The following CNBD1 variants were observed in gnomAD, a reference collection of about 807,000 sequenced individuals.
CNBD1 encodes cyclic nucleotide binding domain containing 1, also known as cyclic nucleotide-binding domain-containing protein 1.
CNBD1 carries 71 observed loss-of-function variants against 54.4 expected under a neutral mutation model. That is an observed-to-expected ratio of 1.30 (90% CI 1.08 to 1.59). The LOEUF is 1.59. Ranked by LOEUF, CNBD1 falls within the 40% of genes most tolerant of loss-of-function variation. The probability of loss-of-function intolerance (pLI) is 0.00; values close to 1 mark genes in which losing one functional copy is unlikely to be tolerated. For missense variants in CNBD1, 659 were observed against 518.0 expected (o/e 1.27, Z -2.64); for synonymous variants, 182 against 170.7 (o/e 1.07, Z -0.51).
At chr8:86,958,234 G>A (rs894065101) in intron 4 of CNBD1, among the ~76,000 whole-genome samples, 1 of 152,176 alleles carries the variant, frequency 6.6e-6, no homozygotes, top group Non-Finnish European at 1.5e-5. Context: ...TTGCTGAGGA[G>A]TGCTTTACTT....
chr8:87,425,268 G>T (rs1808024709), intron 2 of CNBD1, among the ~76,000 whole-genome samples: 1 of 152,184 alleles, frequency 6.6e-6, no homozygotes. Flanking sequence ...TGGTTTGAAT[G>T]TCCTCCCGTA....
chr8:87,119,692 A>G (rs1262844045), intron 4 of CNBD1, among the ~76,000 whole-genome samples: 2 of 152,046 alleles, frequency 1.3e-5, no homozygotes, highest in Non-Finnish European at 2.9e-5. Flanking sequence ...GTCCTTTTCC[A>G]TTAAATATGA....
chr8:87,257,052 A>G (rs1227134196), intron 6 of CNBD1, among the ~76,000 whole-genome samples: 1 of 152,074 alleles, frequency 6.6e-6, no homozygotes, highest in East Asian at 1.9e-4. Context: ...GAAAGCTTTT[A>G]TACAATCAGA....
At chr8:87,267,929 C>G (rs570134131) in intron 6 of CNBD1, among the ~76,000 whole-genome samples, 2 of 152,172 alleles carry the variant, frequency 1.3e-5, no homozygotes, top group African/African-American at 4.8e-5. Context: ...TTAATTTAGT[C>G]TGCTAGTATT....
intron 8 of CNBD1, among the ~76,000 whole-genome samples, chr8:87,335,141 GAGTA>G (rs1471414319): frequency 2.0e-5 from 3 of 152,300 alleles, no homozygotes; most frequent in East Asian, 3.9e-4. Context: ...GTCGATTTTA[GAGTA>G]AGTGTCATGT....
chr8:87,311,876 T>C (rs1023571634), intron 8 of CNBD1, among the ~76,000 whole-genome samples: 1 of 152,062 alleles, frequency 6.6e-6, no homozygotes, highest in Non-Finnish European at 1.5e-5. Flanking sequence ...TTCTCACTTG[T>C]AAGTGGAAGC....
At chr8:87,296,858 A>G (rs1403970177) in intron 8 of CNBD1, among the ~76,000 whole-genome samples, 2 of 152,102 alleles carry the variant, frequency 1.3e-5, no homozygotes, top group Admixed American at 1.3e-4. Context: ...TATCATTTTA[A>G]ATTTTCTAGC....
chr8:87,250,368 T>A (rs917206066), intron 6 of CNBD1, among the ~76,000 whole-genome samples: 8 of 152,178 alleles, frequency 5.3e-5, no homozygotes, highest in African/African-American at 1.9e-4. Flanking sequence ...TTGTACACTG[T>A]TGGTTGGAAT....
chr8:86,887,754 G>A, intron 2 of CNBD1, 143 bp downstream of exon 2: 1 of 576,622 alleles, frequency 1.7e-6, no homozygotes, highest in Non-Finnish European at 3.0e-6. Context: ...GAAAACCTGG[G>A]GGTTATTTCT....
At chr8:87,296,941 C>T (rs1041592900) in intron 8 of CNBD1, among the ~76,000 whole-genome samples, 4 of 151,652 alleles carry the variant, frequency 2.6e-5, no homozygotes, top group East Asian at 1.9e-4. Flanking sequence ...TTTGGGAGGC[C>T]GAGGCGGGCG....
chr8:86,937,206 T>G (rs1586147401), intron 3 of CNBD1, among the ~76,000 whole-genome samples: 2 of 152,074 alleles, frequency 1.3e-5, no homozygotes, highest in East Asian at 3.9e-4. Context: ...GAACTGTCCT[T>G]TATAAAACCA....
intron 3 of CNBD1, among the ~76,000 whole-genome samples, chr8:86,927,967 C>T (rs956789511): frequency 3.3e-5 from 5 of 151,958 alleles, no homozygotes; most frequent in Non-Finnish European, 7.4e-5. Context: ...AAGTTTAACT[C>T]GGGTGTGGTG....
At chr8:86,995,269 A>C (rs1274528573) in intron 4 of CNBD1, among the ~76,000 whole-genome samples, 1 of 152,230 alleles carries the variant, frequency 6.6e-6, no homozygotes, top group Non-Finnish European at 1.5e-5. Context: ...GGAGGCAGAA[A>C]CCATGAACCA....
intron 6 of CNBD1, among the ~76,000 whole-genome samples, chr8:87,263,260 A>G (rs758833634): frequency 2.2e-4 from 34 of 152,062 alleles, no homozygotes; most frequent in Non-Finnish European, 4.6e-4. Context: ...TTGTGTGAAA[A>G]CCATGCATAT....
intron 5 of CNBD1, among the ~76,000 whole-genome samples, chr8:87,224,595 G>C (rs1473291806): frequency 6.6e-6 from 1 of 151,500 alleles, no homozygotes; most frequent in African/African-American, 2.4e-5. Flanking sequence ...CTGTTCCATT[G>C]ATCTATATCT....
intron 4 of CNBD1, among the ~76,000 whole-genome samples, chr8:87,149,458 C>G (rs1338141251): frequency 2.6e-5 from 4 of 152,176 alleles, no homozygotes; most frequent in African/African-American, 4.8e-5. Context: ...AAATAAGAGG[C>G]ATCCTTGGCA....
chr8:87,370,136 A>T (rs936803390), intron 10 of CNBD1, among the ~76,000 whole-genome samples: 1 of 151,820 alleles, frequency 6.6e-6, no homozygotes, highest in African/African-American at 2.4e-5. Flanking sequence ...ATTGTTGGAC[A>T]TTTGGGTTGG....
intron 4 of CNBD1, among the ~76,000 whole-genome samples, chr8:86,963,529 G>T (rs1253841992): frequency 6.6e-6 from 1 of 152,140 alleles, no homozygotes; most frequent in African/African-American, 2.4e-5. Flanking sequence ...ACTGGCAGGG[G>T]CTGCTCTACC....
At chr8:87,350,244 A>G (rs894984708) in intron 8 of CNBD1, among the ~76,000 whole-genome samples, 2 of 152,044 alleles carry the variant, frequency 1.3e-5, no homozygotes, top group African/African-American at 4.8e-5. Flanking sequence ...TTTTAATATC[A>G]TTTTCTGCTG....
Sources: gnomAD v4.1 joint callset for allele counts (sites outside exome capture counted in the v4.1 genomes callset) on GRCh38, gnomAD v4.1.1 for gene constraint, MANE v1.5 for transcripts, NCBI Gene and HGNC (gene_info 2026-07-23, HGNC 2026-07-21) for gene names.